Variants in PDE1C observed in about 807,000 individuals in gnomAD.
The protein encoded by PDE1C is phosphodiesterase 1C, also known as dual specificity calcium/calmodulin-dependent 3',5'-cyclic nucleotide phosphodiesterase 1C.
In PDE1C, 62 loss-of-function variants were observed where a neutral mutation model predicts 93.1. The observed-to-expected ratio is 0.67, with a 90% CI of 0.54 to 0.82. The LOEUF is 0.82. PDE1C is among the 40% of genes least tolerant of loss of function. The pLI, the probability that PDE1C is intolerant of heterozygous loss-of-function variation, is 0.00. For synonymous variants in PDE1C, 325 were observed against 310.1 expected, an observed-to-expected ratio of 1.05 and a Z score of -0.50; for missense variants, 742 against 884.6, an observed-to-expected ratio of 0.84 and a Z score of 2.04.
intron 2 of PDE1C, among the ~76,000 whole-genome samples, chr7:32,205,444 TTGTAAATGCACCAATCAGCACTC>T (rs1805364730): frequency 1.3e-5 from 2 of 151,982 alleles, no homozygotes; most frequent in South Asian, 4.1e-4. Context: ...GGCTAAAGGT[TTGTAAATGCACCAATCAGCACTC>T]TGTAAAAACG....
chr7:32,251,789 T>C (rs559245904), intron 1 of PDE1C, among the ~76,000 whole-genome samples: 5 of 152,268 alleles, frequency 3.3e-5, no homozygotes, highest in Non-Finnish European at 7.4e-5. Flanking sequence ...CCTTTGTAGC[T>C]CCCCCTTGCT....
chr7:32,000,687 T>C (rs1294120474), intron 2 of PDE1C, among the ~76,000 whole-genome samples: 2 of 152,120 alleles, frequency 1.3e-5, no homozygotes, highest in African/African-American at 2.4e-5. Flanking sequence ...TCATGTCCCA[T>C]GGGACTCTTC....
chr7:31,928,601 A>T (rs910568975), intron 2 of PDE1C, among the ~76,000 whole-genome samples: 2 of 152,210 alleles, frequency 1.3e-5, no homozygotes, highest in East Asian at 3.8e-4. Flanking sequence ...GAAACCCTAC[A>T]ACCCAGAAGA....
At chr7:31,855,928 A>G (rs1205644305) in intron 7 of PDE1C, among the ~76,000 whole-genome samples, 1 of 151,992 alleles carries the variant, frequency 6.6e-6, no homozygotes, top group African/African-American at 2.4e-5. Context: ...TTAGAATCTA[A>G]TGAACATCTA....
chr7:32,091,591 T>C (rs1797471725), intron 3 of PDE1C, among the ~76,000 whole-genome samples: 1 of 152,176 alleles, frequency 6.6e-6, no homozygotes, highest in Non-Finnish European at 1.5e-5. Context: ...CAGCCTCAAA[T>C]GCAGAAGTAT....
chr7:31,960,170 C>T (rs550670359), intron 2 of PDE1C, among the ~76,000 whole-genome samples: 54 of 152,230 alleles, frequency 3.5e-4, no homozygotes, highest in African/African-American at 1.1e-3. Context: ...CCACCGCGCC[C>T]GGCCTCAACT....
chr7:32,085,688 G>A (rs1016048170), intron 3 of PDE1C, among the ~76,000 whole-genome samples: 2 of 150,642 alleles, frequency 1.3e-5, no homozygotes, highest in African/African-American at 4.9e-5. Context: ...GGGATGCAAG[G>A]CTGGTTCAAT....
At position 31,753,256 on chromosome 7, in the gene PDE1C, G is replaced by T; in HGVS notation, c.*128C>A. ...ATACAACTTTCATTTCACCTTGGTG[G>T]AGTCAACCAGGATAGTACCTGCTCC... On this transcript the variant is annotated 3_prime_UTR_variant, in exon 18 of 18. Coordinates refer to ENST00000396191, the MANE Select transcript of PDE1C (RefSeq NM_001191057.4). 1 of 1,128,380 alleles carries T rather than the reference G, an allele frequency of 8.9e-7. No homozygotes were observed. Among genetic ancestry groups the T allele is most frequent in the East Asian group, 2.5e-5 (1 of 39,572 alleles). 69.9% of individuals were successfully genotyped at this position (1,128,380 alleles called of 1,614,324 possible). A position where few individuals can be genotyped will look rare whatever the true frequency, so the allele number is the denominator to read the frequency against.
At chr7:32,135,598 A>C (rs1800161471) in intron 3 of PDE1C, among the ~76,000 whole-genome samples, 1 of 152,214 alleles carries the variant, frequency 6.6e-6, no homozygotes, top group Non-Finnish European at 1.5e-5. Flanking sequence ...GGCTATTATC[A>C]AGAAGACAAG....
At chr7:31,945,729 C>T (rs916513076) in intron 2 of PDE1C, among the ~76,000 whole-genome samples, 3 of 152,066 alleles carry the variant, frequency 2.0e-5, no homozygotes, top group East Asian at 1.9e-4. Context: ...AGTTTTAAAA[C>T]GTTCTCAGCT....
rs78636405 is a variant in PDE1C, at chr7:31,782,723, GC to G, written c.1892-6992del. Among the ~76,000 whole-genome samples the G allele has an allele frequency of 4.6e-5, 7 of 152,184 alleles. No individual in the cohort carries two copies. The East Asian group carries it at 1.3e-3, about 29-fold the overall frequency. On this transcript the variant is annotated intron_variant, in intron 16 of 17. Transcript: ENST00000396191. Reference sequence around the variant, plus strand: ...TACACAGAGTCCCTGACTCATGATGGCCCAACTTAAATTTTTGGACTTCATG... The same window carrying G: ...TACACAGAGTCCCTGACTCATGATGGCCAACTTAAATTTTTGGACTTCATG...
intron 1 of PDE1C, among the ~76,000 whole-genome samples, chr7:32,422,549 C>A (rs1785454558): frequency 1.3e-5 from 2 of 150,612 alleles, no homozygotes; most frequent in South Asian, 2.1e-4. Flanking sequence ...TCCTGTCTAC[C>A]CAATGTTTAG....
At chr7:31,651,034 CT>C in the PDE1C span, 17 of 1,252,782 alleles carry the variant, frequency 1.4e-5, no homozygotes, top group Non-Finnish European at 1.9e-5. Flanking sequence ...GCAGTAGGGC[CT>C]GTTTGCGAAA....
At chr7:31,621,203 A>G in the PDE1C span, among the ~76,000 whole-genome samples, 1 of 152,150 alleles carries the variant, frequency 6.6e-6, no homozygotes. Flanking sequence ...ATCCAGGAGA[A>G]CTTCCCCAAT....
At chr7:32,053,500 T>G (rs578261452) in intron 1 of PDE1C, among the ~76,000 whole-genome samples, 1 of 152,178 alleles carries the variant, frequency 6.6e-6, no homozygotes, top group South Asian at 2.1e-4. Context: ...TGATCTAAGG[T>G]ACAACTGGCA....
At position 32,005,578 on chromosome 7, in the gene PDE1C, A is replaced by AAAAAAAAAAAAAAAC. The variant is rs1204630246; in HGVS notation, c.128+45975_128+45976insGTTTTTTTTTTTTTT. Among the ~76,000 whole-genome samples, 102 of 103,786 alleles carry AAAAAAAAAAAAAAAC rather than the reference A, an allele frequency of 9.8e-4. 16 individuals are homozygous for AAAAAAAAAAAAAAAC. The highest frequency in any genetic ancestry group is 1.3e-3 in the Non-Finnish European group (67 of 49,888). The allele number at this position is 103,786 out of a possible 152,430, so 68.1% of individuals were successfully genotyped here. A position where few individuals can be genotyped will look rare whatever the true frequency, so the allele number is the denominator to read the frequency against. On this transcript the variant is annotated intron_variant, in intron 2 of 17. Transcript: ENST00000396191. Reference sequence around the variant, plus strand: ...TTCAAAAAAAAAAAAAAAAAAAAAAAAAAGAATTGTGATCTGAGAAATCAC... The same window carrying AAAAAAAAAAAAAAAC: ...TTCAAAAAAAAAAAAAAAAAAAAAAAAAAAAAAAAAAAAACAAAGAATTGTGATCTGAGAAATCAC...
chr7:32,284,117 T>C lies in PDE1C; in HGVS notation c.85+14534A>G, dbSNP rs1811853049. 3.3e-5 allele frequency among the ~76,000 whole-genome samples: 5 copies of C among 152,206 alleles called. No individual in the cohort carries two copies. The South Asian group carries it at 1.0e-3, about 32-fold the overall frequency. The stretch of plus-strand genomic sequence containing the variant: ...ATTGTAATTTCCATTAGAGAAAATC[T>C]AATACACCCGTAACCCATAGAAAAG... On this transcript the variant is annotated intron_variant, in intron 1 of 18. Transcript: ENST00000396193.
chr7:31,855,859 G>A (rs779939398), intron 7 of PDE1C, among the ~76,000 whole-genome samples: 1 of 147,896 alleles, frequency 6.8e-6, no homozygotes, highest in Non-Finnish European at 1.5e-5. Flanking sequence ...AAGGAAAATG[G>A]CCAAGGGATA....
At chr7:32,218,492 G>A (rs1471072315) in intron 1 of PDE1C, among the ~76,000 whole-genome samples, 1 of 152,206 alleles carries the variant, frequency 6.6e-6, no homozygotes, top group Admixed American at 6.5e-5. Flanking sequence ...GCAGCCCAGG[G>A]TATCACACAG....
Sources: gnomAD v4.1 joint callset for allele counts (sites outside exome capture counted in the v4.1 genomes callset) on GRCh38, gnomAD v4.1.1 for gene constraint, MANE v1.5 for transcripts, NCBI Gene and HGNC (gene_info 2026-07-23, HGNC 2026-07-21) for gene names.